Variants in FRAS1 observed in about 807,000 individuals in gnomAD.
The protein encoded by FRAS1 is extracellular matrix organizing protein FRAS1.
Under a neutral mutation model 435.2 loss-of-function variants are expected in FRAS1, and 290 were observed. The ratio of observed to expected loss-of-function variants is 0.67; its 90% confidence interval spans 0.61 to 0.73. FRAS1 has a LOEUF of 0.73. FRAS1 is among the 30% of genes least tolerant of loss of function. The pLI is 0.00. For missense variants in FRAS1, 4,860 were observed against 5,001.5 expected, an observed-to-expected ratio of 0.97 and a Z score of 0.85; for synonymous variants, 1,800 against 1,851.0, an observed-to-expected ratio of 0.97 and a Z score of 0.71.
At chr4:78,407,107 T>C (rs1027963593) in intron 30 of FRAS1, among the ~76,000 whole-genome samples, 2 of 152,270 alleles carry the variant, frequency 1.3e-5, no homozygotes, top group African/African-American at 4.8e-5. Flanking sequence ...TATCTCATTA[T>C]GTATATGCAA....
chr4:78,441,102 C>T (rs1734640609), intron 40 of FRAS1, 60 bp from the exon 41 acceptor site: 2 of 1,584,132 alleles, frequency 1.3e-6, no homozygotes, highest in African/African-American at 2.7e-5. Context: ...CAATCCAGCT[C>T]TTTTTTTACT....
chr4:78,068,488 G>T (rs1740164047), intron 2 of FRAS1: 1 of 455,806 alleles, frequency 2.2e-6, no homozygotes, highest in African/African-American at 2.0e-5. Flanking sequence ...CAAGAGATAG[G>T]TCAGGGAGGA....
At chr4:78,418,917 T>G in intron 32 of FRAS1, 32 bp from the exon 33 acceptor site, 1 of 1,321,490 alleles carries the variant, frequency 7.6e-7, no homozygotes, top group Non-Finnish European at 1.1e-6. Context: ...TTTCATACCA[T>G]GTGTTCCTCT....
intron 22 of FRAS1, among the ~76,000 whole-genome samples, chr4:78,368,751 G>T (rs1321374082): frequency 2.6e-5 from 4 of 152,148 alleles, no homozygotes; most frequent in Non-Finnish European, 4.4e-5. Context: ...GTTAACAAAG[G>T]TCCCAGAAGA....
intron 20 of FRAS1, among the ~76,000 whole-genome samples, chr4:78,340,775 G>C (rs946947820): frequency 1.3e-5 from 2 of 152,212 alleles, no homozygotes; most frequent in African/African-American, 4.8e-5. Context: ...TTAGCTTGTA[G>C]ATGGTGGCCC....
rs1347843738 is a variant in FRAS1, at chr4:78,485,458, G to A, written c.8752+2923G>A. Among the ~76,000 whole-genome samples, 7 of 152,244 alleles carry A rather than the reference G, an allele frequency of 4.6e-5. No homozygotes were observed. The East Asian group carries it at 9.7e-4, about 21-fold the overall frequency. On this transcript the variant is annotated intron_variant, in intron 58 of 73. Coordinates refer to ENST00000512123, the MANE Select transcript of FRAS1 (RefSeq NM_025074.7). ...AAAATTTTCTTTCAGAAAAGCTACA[G>A]CTTTTCTTTTTCTTTCAGAGAAGCT...
chr4:78,120,488 A>G (rs1040238916), intron 2 of FRAS1, among the ~76,000 whole-genome samples: 4 of 152,196 alleles, frequency 2.6e-5, no homozygotes, highest in Middle Eastern at 6.3e-3. Context: ...CAGGCATGAC[A>G]GTCCAGGAAT....
intron 18 of FRAS1, among the ~76,000 whole-genome samples, chr4:78,320,393 T>C (rs1431856638): frequency 6.6e-6 from 1 of 152,178 alleles, no homozygotes; most frequent in Non-Finnish European, 1.5e-5. Context: ...GGCTCTTTCC[T>C]TAGGGACCCC....
intron 20 of FRAS1, among the ~76,000 whole-genome samples, chr4:78,356,987 G>C (rs917688610): frequency 2.0e-5 from 3 of 152,046 alleles, no homozygotes; most frequent in Admixed American, 2.0e-4. Flanking sequence ...GGCCTACCCA[G>C]GTACCGAGAG....
intron 20 of FRAS1, among the ~76,000 whole-genome samples, chr4:78,344,595 T>C (rs1256053617): frequency 6.6e-6 from 1 of 151,790 alleles, no homozygotes; most frequent in Non-Finnish European, 1.5e-5. Context: ...GATTTTTTTT[T>C]TTTTGGTTGG....
At chr4:78,231,102 C>T (rs904803856) in intron 2 of FRAS1, among the ~76,000 whole-genome samples, 2 of 151,912 alleles carry the variant, frequency 1.3e-5, no homozygotes, top group South Asian at 2.1e-4. Context: ...TTACAGGCGC[C>T]TGCCACCATG....
At position 78,374,159 on chromosome 4, in the gene FRAS1, G is replaced by A. The variant is rs773906563; in HGVS notation, c.3059G>A (p.Arg1020His). 5.6e-5 allele frequency: 90 copies of A among 1,604,618 alleles called. 2 individuals carry two copies. The highest frequency in any genetic ancestry group is 5.0e-4 in the Middle Eastern group (3 of 6,034). ...TGCCAAGGTCCCCATGAGTGTACCC[G>A]CTGCAAAGGGCCATTTCTCCTCTTG... ...LQCQGPHECT[R>H]CKGPFLLLEA... Residue 1020 changes from arginine (R) to histidine (H), a missense_variant, in exon 25 of 74, where the codon CGC becomes CAC. By Grantham distance (29) the Arg-to-His change is conservative. Coordinates refer to ENST00000512123, the MANE Select transcript of FRAS1 (RefSeq NM_025074.7).
At chr4:78,114,701 T>A (rs369381991) in intron 2 of FRAS1, among the ~76,000 whole-genome samples, 14,598 of 118,140 alleles carry the variant, frequency 0.12, no homozygotes, top group African/African-American at 0.17. Flanking sequence ...TTTGCTGAAG[T>A]TGCCTGTCAG....
chr4:78,115,327 G>C (rs1001372037), intron 2 of FRAS1, among the ~76,000 whole-genome samples: 1 of 152,094 alleles, frequency 6.6e-6, no homozygotes, highest in African/African-American at 2.4e-5. Context: ...TTGGTATCAG[G>C]ATGATGCTGG....
chr4:78,070,235 G>A (rs1212571381), intron 2 of FRAS1, among the ~76,000 whole-genome samples: 1 of 125,360 alleles, frequency 8.0e-6, no homozygotes, highest in Non-Finnish European at 1.6e-5. Context: ...GTTTATATAT[G>A]TGTATATATG....
At chr4:78,394,886 A>G (rs2110339258) in intron 29 of FRAS1, among the ~76,000 whole-genome samples, 1 of 151,976 alleles carries the variant, frequency 6.6e-6, no homozygotes, top group East Asian at 1.9e-4. Flanking sequence ...TCTTTCACCA[A>G]TATTTTATAG....
At chr4:78,430,521 A>G in intron 37 of FRAS1, 104 bp downstream of exon 37, 1 of 1,204,564 alleles carries the variant, frequency 8.3e-7, no homozygotes, top group Non-Finnish European at 1.1e-6. Context: ...TCTTTGTGAT[A>G]CAGACTATGA....
chr4:78,268,711 A>C (rs58101131), intron 9 of FRAS1, among the ~76,000 whole-genome samples: 51,101 of 152,078 alleles, frequency 0.34, 8,620 homozygotes, highest in Admixed American at 0.39. Flanking sequence ...ATTGTTTAGC[A>C]CATATCCCTA....
At chr4:78,122,267 G>T (rs1020471843) in intron 2 of FRAS1, among the ~76,000 whole-genome samples, 1 of 152,068 alleles carries the variant, frequency 6.6e-6, no homozygotes, top group Non-Finnish European at 1.5e-5. Flanking sequence ...AAGAATGATG[G>T]TTTCCAGCTT....
Sources: gnomAD v4.1 joint callset for allele counts (sites outside exome capture counted in the v4.1 genomes callset) on GRCh38, gnomAD v4.1.1 for gene constraint, MANE v1.5 for transcripts, NCBI Gene and HGNC (gene_info 2026-07-23, HGNC 2026-07-21) for gene names.